ACOT12: variants seen among roughly 807,000 people sequenced by gnomAD.
ACOT12 encodes the protein acetyl-coenzyme A thioesterase.
ACOT12 carries 51 observed loss-of-function variants against 67.7 expected under a neutral mutation model. The observed-to-expected ratio is 0.75, with a 90% CI of 0.60 to 0.95. The LOEUF is 0.95. Ranked by LOEUF, ACOT12 falls within the 40% of genes least tolerant of loss-of-function variation. The pLI is 0.00. For missense variants in ACOT12, 734 were observed against 708.1 expected (o/e 1.04, Z -0.41); for synonymous variants, 251 against 244.6 (o/e 1.03, Z -0.24).
intron 11 of ACOT12, among the ~76,000 whole-genome samples, chr5:81,342,038 T>C (rs1759211922): frequency 6.6e-6 from 1 of 152,224 alleles, no homozygotes; most frequent in East Asian, 1.9e-4. Flanking sequence ...TTGCCCAGAC[T>C]GGAATGCAAT....
chr5:81,317,648 T>C, the ACOT12 span, among the ~76,000 whole-genome samples: 1 of 151,908 alleles, frequency 6.6e-6, no homozygotes, highest in Non-Finnish European at 1.5e-5. Context: ...GCAGGAGAGA[T>C]AGAGTGAAGG....
At chr5:81,321,093 A>C in the ACOT12 span, among the ~76,000 whole-genome samples, 9 of 151,948 alleles carry the variant, frequency 5.9e-5, no homozygotes, top group Admixed American at 5.9e-4. Context: ...CCGTCTCTAC[A>C]AAAAATACAA....
chr5:81,374,433 C>T (rs1420441041), intron 2 of ACOT12, among the ~76,000 whole-genome samples: 1 of 152,122 alleles, frequency 6.6e-6, no homozygotes, highest in Non-Finnish European at 1.5e-5. Flanking sequence ...TGCCTCTTCT[C>T]CTTCAAAGGA....
At chr5:81,308,763 A>G in the ACOT12 span, 7 of 1,569,782 alleles carry the variant, frequency 4.5e-6, no homozygotes, top group Non-Finnish European at 6.0e-6. Flanking sequence ...GCCAATAAAT[A>G]GCACCTTGGG....
In ACOT12 at chr5:81,356,115, C is replaced by T. The variant is rs77612589; in HGVS notation, c.496+3788G>A. Among the ~76,000 whole-genome samples the T allele has an allele frequency of 5.3e-5, 8 of 152,180 alleles. No homozygotes were observed. In the East Asian group the frequency reaches 1.5e-3, roughly 29 times the overall value. ...CTGGTGATAGGAGTGTTTACTTTGG[C>T]CTGTGTATATGACATAAAGGTTATG... On this transcript the variant is annotated intron_variant, in intron 5 of 14. Coordinates refer to ENST00000307624, the MANE Select transcript of ACOT12 (RefSeq NM_130767.3).
At chr5:81,351,907 G>T (rs759238465) in intron 5 of ACOT12, among the ~76,000 whole-genome samples, 13 of 151,916 alleles carry the variant, frequency 8.6e-5, no homozygotes, top group Admixed American at 3.9e-4. Flanking sequence ...CAGCACTATA[G>T]GAAAAAAATC....
chr5:81,377,598 C>T (rs1172314402), intron 2 of ACOT12, among the ~76,000 whole-genome samples: 1 of 152,222 alleles, frequency 6.6e-6, no homozygotes, highest in Non-Finnish European at 1.5e-5. Flanking sequence ...ACCCCATCTT[C>T]TCAGCTCAAA....
intron 2 of ACOT12, among the ~76,000 whole-genome samples, chr5:81,384,271 C>A (rs1435958579): frequency 6.6e-6 from 1 of 151,696 alleles, no homozygotes; most frequent in African/African-American, 2.4e-5. Flanking sequence ...ATTACAAGCG[C>A]CCGTCATCAC....
chr5:81,342,623 T>C (rs767865900), intron 11 of ACOT12, 49 bp downstream of exon 11: 1 of 1,580,324 alleles, frequency 6.3e-7, no homozygotes, highest in African/African-American at 1.3e-5. Context: ...CACCACAGCT[T>C]TCGTTTGTGA....
At chr5:81,328,245 C>A (rs114791554), downstream of ACOT12, among the ~76,000 whole-genome samples, 598 of 152,226 alleles carry the variant, frequency 3.9e-3, 6 homozygotes, top group African/African-American at 0.014. Context: ...ATATCAACCA[C>A]CACCCCCAAC....
intron 11 of ACOT12, among the ~76,000 whole-genome samples, chr5:81,341,280 A>C (rs1759184128): frequency 1.3e-5 from 2 of 152,246 alleles, no homozygotes; most frequent in South Asian, 4.1e-4. Flanking sequence ...GATAAGGAAG[A>C]CTTCTAAAGG....
the ACOT12 span, chr5:81,312,665 A>G: frequency 6.3e-7 from 1 of 1,596,876 alleles, no homozygotes; most frequent in Non-Finnish European, 8.6e-7. Flanking sequence ...ATTTTTGATA[A>G]CAGCTAGCAC....
At chr5:81,322,478 ACC>A in the ACOT12 span, among the ~76,000 whole-genome samples, 7 of 149,952 alleles carry the variant, frequency 4.7e-5, no homozygotes, top group Admixed American at 4.0e-4. Context: ...CAAAAAAAAA[ACC>A]CCACATACAT....
the ACOT12 span, among the ~76,000 whole-genome samples, chr5:81,323,268 C>T: frequency 6.6e-6 from 1 of 152,018 alleles, no homozygotes; most frequent in Non-Finnish European, 1.5e-5. Flanking sequence ...AGCTCATGCC[C>T]GTGGGTCAGA....
chr5:81,351,931 A>T (rs899089704), intron 5 of ACOT12, among the ~76,000 whole-genome samples: 1 of 152,220 alleles, frequency 6.6e-6, no homozygotes, highest in South Asian at 2.1e-4. Flanking sequence ...TAATCTGATT[A>T]AAAAATGGGC....
intron 13 of ACOT12, 67 bp from the exon 14 acceptor site, chr5:81,331,007 T>C: frequency 6.8e-7 from 1 of 1,474,352 alleles, no homozygotes; most frequent in Non-Finnish European, 9.0e-7. Flanking sequence ...TAAATCCCTA[T>C]AGTTAACCCA....
At chr5:81,322,693 A>G in the ACOT12 span, among the ~76,000 whole-genome samples, 338 of 152,288 alleles carry the variant, frequency 2.2e-3, 3 homozygotes, top group African/African-American at 7.0e-3. Flanking sequence ...TTTATAAAGG[A>G]AAGAGGTTTA....
At chr5:81,342,781 A>G (rs755861691) in intron 10 of ACOT12, 26 bp from the exon 11 acceptor site, 1 of 1,607,676 alleles carries the variant, frequency 6.2e-7, no homozygotes, top group Admixed American at 1.7e-5. Flanking sequence ...TATATTTTTA[A>G]AGCTATGTGT....
chr5:81,321,706 T>G, the ACOT12 span, among the ~76,000 whole-genome samples: 1 of 152,000 alleles, frequency 6.6e-6, no homozygotes, highest in African/African-American at 2.4e-5. Context: ...AGCACTTTGG[T>G]GGGGCTGAGG....
Sources: allele counts gnomAD v4.1 joint callset (sites outside exome capture counted in the v4.1 genomes callset), GRCh38; gene constraint gnomAD v4.1.1; transcripts MANE v1.5; gene names NCBI Gene and HGNC (gene_info 2026-07-23, HGNC 2026-07-21).